Variants in STK33 observed in about 807,000 individuals in gnomAD.
STK33 encodes the protein serine/threonine-protein kinase 33.
STK33 carries 52 observed loss-of-function variants against 58.0 expected under a neutral mutation model. The observed-to-expected ratio is 0.90, with a 90% CI of 0.72 to 1.13. The LOEUF is 1.13. STK33 is among the 50% of genes most tolerant of loss of function. STK33 has a pLI of 0.00. For missense variants in STK33, 630 were observed against 604.2 expected (o/e 1.04, Z -0.45); for synonymous variants, 215 against 200.1 (o/e 1.07, Z -0.63).
intron 1 of STK33, among the ~76,000 whole-genome samples, chr11:8,551,841 C>T (rs1434574385): frequency 6.6e-6 from 1 of 152,172 alleles, no homozygotes; most frequent in Non-Finnish European, 1.5e-5. Context: ...GATTCAAATG[C>T]CTAGGCTTTG....
At chr11:8,521,761 C>G (rs918937661) in intron 1 of STK33, among the ~76,000 whole-genome samples, 8 of 152,138 alleles carry the variant, frequency 5.3e-5, no homozygotes, top group Admixed American at 3.9e-4. Context: ...CTACAAAGAA[C>G]TTAAACAAAT....
At chr11:8,371,028 A>C in the STK33 span, among the ~76,000 whole-genome samples, 3 of 151,994 alleles carry the variant, frequency 2.0e-5, no homozygotes, top group Admixed American at 2.0e-4. Flanking sequence ...CTGATCCTGG[A>C]GGGCTGTTGG....
At chr11:8,348,082 T>C in the STK33 span, among the ~76,000 whole-genome samples, 3 of 152,164 alleles carry the variant, frequency 2.0e-5, no homozygotes, top group African/African-American at 4.8e-5. Flanking sequence ...CTGACTCTAT[T>C]TCCCCTGTGC....
chr11:8,398,260 C>A (rs1045808927), intron 15 of STK33, among the ~76,000 whole-genome samples: 5 of 152,206 alleles, frequency 3.3e-5, no homozygotes, highest in Admixed American at 3.3e-4. Context: ...AACAGCTGAT[C>A]TCTCAGCAGA....
chr11:8,399,129 T>C (rs1438818463), intron 15 of STK33, among the ~76,000 whole-genome samples: 2 of 152,220 alleles, frequency 1.3e-5, no homozygotes, highest in Non-Finnish European at 2.9e-5. Flanking sequence ...AATAGACTTC[T>C]ACAGAACTTT....
intron 1 of STK33, among the ~76,000 whole-genome samples, chr11:8,562,404 T>C (rs1957173576): frequency 6.6e-6 from 1 of 152,142 alleles, no homozygotes; most frequent in Non-Finnish European, 1.5e-5. Flanking sequence ...CCTTGGGGAT[T>C]TTCCAGGTTT....
chr11:8,337,858 T>C, the STK33 span, among the ~76,000 whole-genome samples: 2 of 152,260 alleles, frequency 1.3e-5, no homozygotes, highest in East Asian at 3.9e-4. Context: ...CCAAGGCTCA[T>C]GCCCTCACCT....
chr11:8,514,744 G>C (rs1003866718), intron 1 of STK33, among the ~76,000 whole-genome samples: 1 of 152,162 alleles, frequency 6.6e-6, no homozygotes, highest in African/African-American at 2.4e-5. Context: ...CACCATCCTG[G>C]ACCTCAGATT....
intron 12 of STK33, among the ~76,000 whole-genome samples, chr11:8,438,616 A>G (rs943984028): frequency 1.3e-5 from 2 of 152,186 alleles, no homozygotes; most frequent in Non-Finnish European, 2.9e-5. Context: ...CACACTCTGA[A>G]GCAGAAAAAT....
chr11:8,444,576 T>C (rs1001236604), intron 11 of STK33, among the ~76,000 whole-genome samples: 2 of 152,164 alleles, frequency 1.3e-5, no homozygotes, highest in African/African-American at 2.4e-5. Flanking sequence ...TAAGAGCAGA[T>C]AATAAGTGCA....
chr11:8,420,971 A>C (rs1018969724), intron 14 of STK33, among the ~76,000 whole-genome samples: 5 of 149,232 alleles, frequency 3.4e-5, no homozygotes, highest in African/African-American at 1.2e-4. Context: ...TAACAGAGCA[A>C]GGCCCTGTCT....
At chr11:8,562,035 T>C (rs1957147711) in intron 1 of STK33, among the ~76,000 whole-genome samples, 1 of 152,198 alleles carries the variant, frequency 6.6e-6, no homozygotes, top group Non-Finnish European at 1.5e-5. Flanking sequence ...CAGAGAGGGA[T>C]TGCCTTGCTT....
At chr11:8,477,489 A>C (rs1054567165) in intron 2 of STK33, among the ~76,000 whole-genome samples, 2 of 152,158 alleles carry the variant, frequency 1.3e-5, no homozygotes, top group African/African-American at 4.8e-5. Context: ...GGTACTTTTT[A>C]TAAGAAATTG....
At chr11:8,341,008 G>A in the STK33 span, among the ~76,000 whole-genome samples, 2 of 152,198 alleles carry the variant, frequency 1.3e-5, no homozygotes, top group Non-Finnish European at 2.9e-5. Flanking sequence ...ACAGGCACAT[G>A]CCACCACACC....
At chr11:8,340,940 C>A in the STK33 span, among the ~76,000 whole-genome samples, 1 of 152,208 alleles carries the variant, frequency 6.6e-6, no homozygotes, top group African/African-American at 2.4e-5. Flanking sequence ...CTCACTGCAA[C>A]CTCCGCCTCC....
intron 11 of STK33, 120 bp downstream of exon 11, chr11:8,452,702 G>A: frequency 1.3e-6 from 1 of 770,366 alleles, no homozygotes; most frequent in Non-Finnish European, 2.2e-6. Flanking sequence ...GTGGGGGGAT[G>A]GCTTGAGCCC....
At chr11:8,588,763 A>G (rs1327160723) in intron 1 of STK33, among the ~76,000 whole-genome samples, 1 of 152,210 alleles carries the variant, frequency 6.6e-6, no homozygotes, top group Non-Finnish European at 1.5e-5. Context: ...TGCAAATCAA[A>G]TATCTGAGAA....
intron 15 of STK33, among the ~76,000 whole-genome samples, chr11:8,412,723 A>G (rs947856212): frequency 6.6e-6 from 1 of 152,198 alleles, no homozygotes. Flanking sequence ...TTATTAAATA[A>G]TAGTTCAGAT....
At chr11:8,468,518 G>T (rs1409228680) in intron 6 of STK33, among the ~76,000 whole-genome samples, 2 of 152,108 alleles carry the variant, frequency 1.3e-5, no homozygotes, top group Non-Finnish European at 2.9e-5. Context: ...AATTGTGTCT[G>T]TTCTGTTATT....
Sources: gnomAD v4.1 joint callset for allele counts (sites outside exome capture counted in the v4.1 genomes callset) on GRCh38, gnomAD v4.1.1 for gene constraint, MANE v1.5 for transcripts, NCBI Gene and HGNC (gene_info 2026-07-23, HGNC 2026-07-21) for gene names.